The following SFXN1 variants were observed in gnomAD, a reference collection of about 807,000 sequenced individuals.
SFXN1 encodes sideroflexin-1.
Under a neutral mutation model 39.5 loss-of-function variants are expected in SFXN1, and 32 were observed. The observed-to-expected ratio is 0.81, with a 90% CI of 0.61 to 1.09. SFXN1 has a LOEUF of 1.09. SFXN1 is among the 50% of genes least tolerant of loss of function. SFXN1 has a pLI of 0.00. For missense variants in SFXN1, 402 were observed against 407.1 expected, an observed-to-expected ratio of 0.99 and a Z score of 0.11; for synonymous variants, 136 against 146.5, an observed-to-expected ratio of 0.93 and a Z score of 0.52.
chr5:175,497,075 G>A (rs1256581094), intron 2 of SFXN1, among the ~76,000 whole-genome samples: 2 of 152,066 alleles, frequency 1.3e-5, no homozygotes, highest in Non-Finnish European at 2.9e-5. Flanking sequence ...TTTTTAGTAA[G>A]ACGGTGTTTC....
At chr5:175,504,728 A>AT (rs956416829) in intron 2 of SFXN1, among the ~76,000 whole-genome samples, 8 of 151,464 alleles carry the variant, frequency 5.3e-5, no homozygotes, top group Non-Finnish European at 8.8e-5. Context: ...CATAAGAACA[A>AT]TTTTTTTTGG....
chr5:175,487,080 G>A (rs1273856065), intron 1 of SFXN1, among the ~76,000 whole-genome samples: 1 of 152,144 alleles, frequency 6.6e-6, no homozygotes, highest in Non-Finnish European at 1.5e-5. Context: ...CCCGAGGGCA[G>A]GCACAGGAGG....
intron 1 of SFXN1, among the ~76,000 whole-genome samples, chr5:175,487,072 C>T (rs539756530): frequency 2.0e-5 from 3 of 152,142 alleles, no homozygotes; most frequent in African/African-American, 4.8e-5. Context: ...CACCTAGGCC[C>T]GAGGGCAGGC....
chr5:175,526,497 T>C (rs1761064086), intron 10 of SFXN1, 141 bp from the exon 11 acceptor site: 1 of 656,710 alleles, frequency 1.5e-6, no homozygotes, highest in East Asian at 2.6e-5. Flanking sequence ...TCTCGTTTTC[T>C]AGCCGCATGA....
intron 1 of SFXN1, among the ~76,000 whole-genome samples, chr5:175,483,358 CT>C (rs1759326980): frequency 6.6e-6 from 1 of 152,150 alleles, no homozygotes; most frequent in Non-Finnish European, 1.5e-5. Context: ...TTAAGTCCCA[CT>C]TTTTTCTCAT....
intron 2 of SFXN1, among the ~76,000 whole-genome samples, chr5:175,493,219 C>G (rs1007716742): frequency 1.3e-5 from 2 of 151,994 alleles, no homozygotes; most frequent in African/African-American, 4.8e-5. Flanking sequence ...TGCCACTCGC[C>G]ACTGCACTCC....
intron 3 of SFXN1, among the ~76,000 whole-genome samples, chr5:175,509,565 G>A (rs1760440025): frequency 2.7e-5 from 4 of 150,870 alleles, no homozygotes. Context: ...CTTCTTAGTT[G>A]TTCAAAAGGA....
At position 175,500,294 on chromosome 5, in the gene SFXN1, T is replaced by A. The variant is rs148811199; in HGVS notation, c.164+8027T>A. Among the ~76,000 whole-genome samples the A allele has an allele frequency of 9.5e-4, 145 of 151,848 alleles. No homozygotes were observed. In the East Asian group the frequency reaches 0.022, roughly 23 times the overall value. ...CAATTTCATTCCTATCTAGTAGCAA[T>A]TAACAACTGTAATTTTGAAATTTTT... On this transcript the variant is annotated intron_variant, in intron 2 of 10. Coordinates refer to ENST00000321442, the MANE Select transcript of SFXN1 (RefSeq NM_022754.7).
At chr5:175,496,123 C>T (rs1005689611) in intron 2 of SFXN1, among the ~76,000 whole-genome samples, 1 of 152,038 alleles carries the variant, frequency 6.6e-6, no homozygotes, top group African/African-American at 2.4e-5. Flanking sequence ...GTCTCAAACT[C>T]CTGACCTCAA....
chr5:175,490,207 C>T lies in SFXN1; in HGVS notation c.-9-1888C>T, dbSNP rs117265071. 3.3e-5 allele frequency among the ~76,000 whole-genome samples: 5 copies of T among 152,236 alleles called. No individual in the cohort carries two copies. In the East Asian group the frequency reaches 9.7e-4, roughly 29 times the overall value. ...CAAAGTTTCTGACCCTCTGTGATGACAGAGAACAAGATTTCTCAGTGAGAT... is the reference window on the plus strand; with the variant it reads ...CAAAGTTTCTGACCCTCTGTGATGATAGAGAACAAGATTTCTCAGTGAGAT... On this transcript the variant is annotated intron_variant, in intron 1 of 10. Transcript: ENST00000321442.
intron 1 of SFXN1, among the ~76,000 whole-genome samples, chr5:175,486,452 C>T (rs1165094642): frequency 2.6e-5 from 4 of 152,158 alleles, no homozygotes; most frequent in Admixed American, 2.0e-4. Context: ...CATGATAATA[C>T]TTATATTTTA....
At chr5:175,502,599 G>A (rs1484714739) in intron 2 of SFXN1, among the ~76,000 whole-genome samples, 1 of 152,174 alleles carries the variant, frequency 6.6e-6, no homozygotes, top group Non-Finnish European at 1.5e-5. Flanking sequence ...CAGCACTTGG[G>A]GAGGCGGAGG....
At chr5:175,524,275 T>G (rs922553067) in intron 10 of SFXN1, among the ~76,000 whole-genome samples, 15 of 151,292 alleles carry the variant, frequency 9.9e-5, no homozygotes, top group Non-Finnish European at 1.5e-4. Context: ...TTTATATTTG[T>G]GTATGTATCT....
rs188715675 is a variant in SFXN1 at position 175,515,043 on chromosome 5, A to G, written c.724+1453A>G. On this transcript the variant is annotated intron_variant, in intron 7 of 10. Coordinates refer to ENST00000321442, the MANE Select transcript of SFXN1 (RefSeq NM_022754.7). ...GTCGTCGTTGTTTTTGAGACAGGATATTGCCCTGTCCCTCAGGCTGGAGTG... is the reference window on the plus strand; with the variant it reads ...GTCGTCGTTGTTTTTGAGACAGGATGTTGCCCTGTCCCTCAGGCTGGAGTG... 2.4e-4 allele frequency among the ~76,000 whole-genome samples: 37 copies of G among 151,728 alleles called. No individual in the cohort carries two copies. In the East Asian group the frequency reaches 6.4e-3, roughly 26 times the overall value.
Position 175,528,825 on chromosome 5 carries a change from C to T in SFXN1, c.*2091C>T, listed in dbSNP as rs984309886. On this transcript the variant is annotated 3_prime_UTR_variant, in exon 11 of 11. Coordinates refer to ENST00000321442, the MANE Select transcript of SFXN1 (RefSeq NM_022754.7). ...TATAAAGTGGTAAAAGCCTGAAATT[C>T]AGGGCAGCTCTCCATGAGGTGCTGA... 4 of 152,142 alleles carry T rather than the reference C, an allele frequency of 2.6e-5. No homozygotes were observed. Among genetic ancestry groups the T allele is most frequent in the Non-Finnish European group, 5.9e-5 (4 of 68,024 alleles). 9.4% of individuals were successfully genotyped at this position (152,142 alleles called of 1,614,324 possible).
rs1396049973 is a variant in SFXN1, at chr5:175,491,094, A to G, written c.-9-1001A>G. Among the ~76,000 whole-genome samples, 4 of 152,350 alleles carry G rather than the reference A, an allele frequency of 2.6e-5. No individual in the cohort carries two copies. The East Asian group carries it at 7.7e-4, about 29-fold the overall frequency. ...CAGGGCAGTTCTAAAATAAACATGT[A>G]TTACTCAGAGAAAGAAATTAATTAC... On this transcript the variant is annotated intron_variant, in intron 1 of 10. Transcript: ENST00000321442.
intron 2 of SFXN1, among the ~76,000 whole-genome samples, chr5:175,503,485 T>C (rs1405775102): frequency 6.6e-6 from 1 of 152,238 alleles, no homozygotes; most frequent in Admixed American, 6.5e-5. Context: ...GGACATTTAT[T>C]AGTGTAATTT....
chr5:175,526,138 T>G (rs1761051476), intron 10 of SFXN1, among the ~76,000 whole-genome samples: 1 of 151,840 alleles, frequency 6.6e-6, no homozygotes, highest in African/African-American at 2.4e-5. Context: ...TTTTTTTTTT[T>G]TTGTACATTT....
chr5:175,487,927 A>G (rs923210328), intron 1 of SFXN1, among the ~76,000 whole-genome samples: 3 of 152,154 alleles, frequency 2.0e-5, no homozygotes, highest in Non-Finnish European at 2.9e-5. Context: ...TGCTGGCACC[A>G]TTGAAGAAAT....
Sources: allele counts gnomAD v4.1 joint callset (sites outside exome capture counted in the v4.1 genomes callset), GRCh38; gene constraint gnomAD v4.1.1; transcripts MANE v1.5; gene names NCBI Gene and HGNC (gene_info 2026-07-23, HGNC 2026-07-21).